The following HTR4 variants were observed in gnomAD, a reference collection of about 807,000 sequenced individuals.
The protein encoded by HTR4 is 5-hydroxytryptamine receptor 4.
HTR4 carries 16 observed loss-of-function variants against 36.8 expected under a neutral mutation model. The observed-to-expected ratio is 0.43, with a 90% confidence interval of 0.29 to 0.66. The LOEUF (loss-of-function observed/expected upper bound fraction) is 0.66. HTR4 is among the 30% of genes least tolerant of loss of function. The pLI, the probability that HTR4 is intolerant of heterozygous loss-of-function variation, is 0.13. For missense variants in HTR4, 438 were observed against 490.9 expected (o/e 0.89, Z 1.02); for synonymous variants, 189 against 185.1 (o/e 1.02, Z -0.17).
chr5:148,586,537 A>C (rs1761356624), intron 2 of HTR4, among the ~76,000 whole-genome samples: 2 of 152,104 alleles, frequency 1.3e-5, no homozygotes, highest in South Asian at 4.1e-4. Context: ...AAACCATCAG[A>C]TCTTGTGAGA....
At position 148,550,246 on chromosome 5, in the gene HTR4, C is replaced by T. The variant is rs61733068; in HGVS notation, c.43G>A (p.Gly15Arg). 4.8e-4 allele frequency: 778 copies of T among 1,614,020 alleles called. 5 individuals are homozygous for T. In the African/African-American group the frequency reaches 7.6e-3, roughly 16 times the overall value. ...DANVSSEEGFGSVEKVVLLTF... is the reference protein window; with the variant it reads ...DANVSSEEGFRSVEKVVLLTF... ...AGCAGCACCACCTTCTCCACTGACC[C>T]GAAACCCTCCTCAGAACTGAAAGAC... The change falls in exon 3 of 7, where the codon GGG becomes AGG. Residue 15 changes from glycine to arginine, a missense_variant. Physicochemically the swap from Gly to Arg is moderately radical, Grantham distance 125. Coordinates refer to ENST00000377888, the MANE Select transcript of HTR4 (RefSeq NM_000870.7).
chr5:148,612,472 G>A (rs2127282149), intron 2 of HTR4, among the ~76,000 whole-genome samples: 1 of 148,280 alleles, frequency 6.7e-6, no homozygotes, highest in East Asian at 2.0e-4. Flanking sequence ...GATGTTCTTT[G>A]AAACCAACAA....
intron 1 of HTR4, among the ~76,000 whole-genome samples, chr5:148,652,013 T>C (rs1304172370): frequency 6.6e-6 from 1 of 152,198 alleles, no homozygotes; most frequent in Admixed American, 6.5e-5. Flanking sequence ...AGAAACTTGA[T>C]CTATGTCACT....
intron 6 of HTR4, among the ~76,000 whole-genome samples, chr5:148,491,788 G>A (rs938117774): frequency 4.6e-5 from 7 of 152,134 alleles, no homozygotes; most frequent in Admixed American, 3.9e-4. Context: ...ATTGGTGTTG[G>A]GAGAGGTAAT....
intron 5 of HTR4, among the ~76,000 whole-genome samples, chr5:148,470,250 C>T (rs1755532125): frequency 6.6e-6 from 1 of 152,160 alleles, no homozygotes; most frequent in East Asian, 1.9e-4. Flanking sequence ...ATATAAGCCT[C>T]CTTTTTCAGC....
At chr5:148,458,361 T>C (rs1165538258) in intron 5 of HTR4, among the ~76,000 whole-genome samples, 2 of 151,884 alleles carry the variant, frequency 1.3e-5, no homozygotes, top group Admixed American at 6.6e-5. Flanking sequence ...AAATTTTTTT[T>C]TTTGATTGCT....
intron 6 of HTR4, among the ~76,000 whole-genome samples, chr5:148,498,285 A>T (rs1412538211): frequency 6.6e-6 from 1 of 152,184 alleles, no homozygotes; most frequent in Non-Finnish European, 1.5e-5. Context: ...AAAGACTTTA[A>T]AGGAAGGAGG....
intron 2 of HTR4, among the ~76,000 whole-genome samples, chr5:148,584,666 C>T (rs1185576100): frequency 6.6e-6 from 1 of 152,106 alleles, no homozygotes; most frequent in Non-Finnish European, 1.5e-5. Context: ...CCAATATGCC[C>T]AACTCCATCA....
intron 1 of HTR4, among the ~76,000 whole-genome samples, chr5:148,647,763 C>T (rs1322706600): frequency 5.5e-4 from 84 of 152,312 alleles, no homozygotes; most frequent in Non-Finnish European, 1.6e-4. Context: ...GCAGAAGAAT[C>T]GCTTGAACCC....
intron 4 of HTR4, among the ~76,000 whole-genome samples, chr5:148,527,402 C>T (rs1253040624): frequency 6.6e-6 from 1 of 152,084 alleles, no homozygotes; most frequent in African/African-American, 2.4e-5. Flanking sequence ...CTAGCTTGCC[C>T]AGGGCTATTG....
At chr5:148,596,201 G>A (rs1022719596) in intron 2 of HTR4, among the ~76,000 whole-genome samples, 1 of 152,206 alleles carries the variant, frequency 6.6e-6, no homozygotes, top group Non-Finnish European at 1.5e-5. Flanking sequence ...ATGCACTTGT[G>A]AAAGTCTTAG....
intron 6 of HTR4, among the ~76,000 whole-genome samples, chr5:148,504,820 C>T (rs139808402): frequency 0.016 from 2,404 of 152,188 alleles, 34 homozygotes; most frequent in Middle Eastern, 0.048. Flanking sequence ...ATATCACTAC[C>T]GATCCCACAG....
At chr5:148,514,066 A>T (rs893341755) in intron 5 of HTR4, among the ~76,000 whole-genome samples, 1 of 152,156 alleles carries the variant, frequency 6.6e-6, no homozygotes, top group Non-Finnish European at 1.5e-5. Context: ...AATGGCAGTT[A>T]CATTTTTTTC....
intron 2 of HTR4, among the ~76,000 whole-genome samples, chr5:148,625,178 G>C (rs1350878239): frequency 1.3e-5 from 2 of 152,122 alleles, no homozygotes; most frequent in Non-Finnish European, 2.9e-5. Flanking sequence ...ATGAATTGGA[G>C]TTAGGGAGTC....
chr5:148,467,824 C>T (rs1435966585), intron 5 of HTR4, among the ~76,000 whole-genome samples: 1 of 152,190 alleles, frequency 6.6e-6, no homozygotes, highest in Non-Finnish European at 1.5e-5. Context: ...GAGATTGTCA[C>T]TTACATTTGT....
chr5:148,487,053 T>A lies in HTR4; in HGVS notation c.1077-3760A>T, dbSNP rs558541978. Among the ~76,000 whole-genome samples, 15 of 152,346 alleles carry A rather than the reference T, an allele frequency of 9.8e-5. No homozygotes were observed. The East Asian group carries it at 2.1e-3, about 22-fold the overall frequency. ...GAGTTTTTAAAATGCAGTTTCTTGT[T>A]GTAATCATTTTGGTAAAATCCCTGA... On this transcript the variant is annotated intron_variant, in intron 6 of 6. Coordinates refer to ENST00000377888, the MANE Select transcript of HTR4 (RefSeq NM_000870.7).
intron 2 of HTR4, among the ~76,000 whole-genome samples, chr5:148,614,850 C>T (rs1248544896): frequency 6.6e-6 from 1 of 152,104 alleles, no homozygotes; most frequent in East Asian, 1.9e-4. Flanking sequence ...AGCAAACAAC[C>T]CCATCAAAAA....
chr5:148,599,175 T>C (rs1017017336), intron 2 of HTR4, among the ~76,000 whole-genome samples: 1 of 152,190 alleles, frequency 6.6e-6, no homozygotes, highest in Non-Finnish European at 1.5e-5. Flanking sequence ...GCAAGGTATA[T>C]GCAATTGGTA....
Position 148,581,573 on chromosome 5 carries a change from C to A in HTR4, c.27-31311G>T, listed in dbSNP as rs74294115. On this transcript the variant is annotated intron_variant, in intron 2 of 6. Coordinates refer to ENST00000377888, the MANE Select transcript of HTR4 (RefSeq NM_000870.7). Reference sequence around the variant, plus strand: ...GGATGTGGATATACAGTTTTCCCCCCAAAAAATTATTGAAGAGACTGTCCT... The same window carrying A: ...GGATGTGGATATACAGTTTTCCCCCAAAAAAATTATTGAAGAGACTGTCCT... Among the ~76,000 whole-genome samples the A allele has an allele frequency of 3.0e-3, 451 of 152,098 alleles. 14 individuals carry two copies. In the East Asian group the frequency reaches 0.069, roughly 23 times the overall value.
Sources: allele counts gnomAD v4.1 joint callset (sites outside exome capture counted in the v4.1 genomes callset), GRCh38; gene constraint gnomAD v4.1.1; transcripts MANE v1.5; gene names NCBI Gene and HGNC (gene_info 2026-07-23, HGNC 2026-07-21).